SUGCT: variants seen among roughly 807,000 people sequenced by gnomAD.
SUGCT encodes succinyl-CoA:glutarate CoA-transferase.
SUGCT carries 41 observed loss-of-function variants against 55.0 expected under a neutral mutation model. That is an observed-to-expected ratio of 0.74 (90% CI 0.58 to 0.97). SUGCT has a LOEUF of 0.97. SUGCT is among the 50% of genes least tolerant of loss of function. The pLI is 0.00. For synonymous variants in SUGCT, 187 were observed against 200.4 expected (o/e 0.93, Z 0.56); for missense variants, 568 against 547.8 (o/e 1.04, Z -0.37).
intron 13 of SUGCT, among the ~76,000 whole-genome samples, chr7:40,835,882 T>C (rs1042143646): frequency 2.2e-4 from 33 of 150,668 alleles, no homozygotes; most frequent in Non-Finnish European, 3.8e-4. Flanking sequence ...TTCCATTTTC[T>C]TTTTTTTCTT....
At chr7:41,030,823 T>G in the SUGCT span, among the ~76,000 whole-genome samples, 2 of 150,944 alleles carry the variant, frequency 1.3e-5, no homozygotes, top group Admixed American at 1.3e-4. Context: ...GGGTGGTGAG[T>G]GAGGAGAAAG....
chr7:40,619,975 A>G (rs1258170608), intron 12 of SUGCT, among the ~76,000 whole-genome samples: 2 of 152,356 alleles, frequency 1.3e-5, no homozygotes, highest in East Asian at 3.9e-4. Flanking sequence ...CATTACAATG[A>G]GTGAAAATAG....
chr7:40,185,927 A>T (rs1785477015), intron 3 of SUGCT, among the ~76,000 whole-genome samples: 1 of 152,102 alleles, frequency 6.6e-6, no homozygotes, highest in Admixed American at 6.5e-5. Flanking sequence ...GGTTTTTGAG[A>T]TAGTTATTCA....
chr7:40,498,019 C>G (rs571253932), intron 12 of SUGCT, among the ~76,000 whole-genome samples: 61 of 152,140 alleles, frequency 4.0e-4, no homozygotes, highest in African/African-American at 1.4e-3. Context: ...CTAATTTTCT[C>G]TTGTGGTTCA....
rs1460748957 is a variant in SUGCT at position 40,411,670 on chromosome 7, A to G, written c.817-37617A>G. 7.9e-5 allele frequency among the ~76,000 whole-genome samples: 12 copies of G among 152,282 alleles called. No homozygotes were observed. In the East Asian group the frequency reaches 2.1e-3, roughly 27 times the overall value. On this transcript the variant is annotated intron_variant, in intron 9 of 13. Coordinates refer to ENST00000335693, the MANE Select transcript of SUGCT (RefSeq NM_001193313.2). ...GATTTATTAATGGGTACAACTATACAGTTAGATAGAAGAAGTTAAGACCTG... is the reference window on the plus strand; with the variant it reads ...GATTTATTAATGGGTACAACTATACGGTTAGATAGAAGAAGTTAAGACCTG...
chr7:40,151,127 C>A (rs1788546739), intron 1 of SUGCT, among the ~76,000 whole-genome samples: 1 of 152,096 alleles, frequency 6.6e-6, no homozygotes, highest in South Asian at 2.1e-4. Context: ...GTAGTACCAG[C>A]TAATTGGGAG....
chr7:40,295,359 T>C (rs1584603707), intron 8 of SUGCT, among the ~76,000 whole-genome samples: 1 of 152,172 alleles, frequency 6.6e-6, no homozygotes. Context: ...GCGGATCACC[T>C]GAGGTCAGGA....
At chr7:40,599,087 C>T (rs541140215) in intron 12 of SUGCT, among the ~76,000 whole-genome samples, 2 of 152,236 alleles carry the variant, frequency 1.3e-5, no homozygotes, top group South Asian at 4.1e-4. Flanking sequence ...TTGCTGCTGC[C>T]AACTTCCGAT....
intron 7 of SUGCT, among the ~76,000 whole-genome samples, chr7:40,260,609 A>G (rs957692610): frequency 1.3e-5 from 2 of 152,170 alleles, no homozygotes; most frequent in African/African-American, 4.8e-5. Context: ...GTTTGGAAAA[A>G]ATATTCAGCT....
chr7:40,272,000 A>C (rs557195726), intron 7 of SUGCT, among the ~76,000 whole-genome samples: 17 of 151,026 alleles, frequency 1.1e-4, no homozygotes, highest in African/African-American at 4.1e-4. Context: ...ATTGTTGCAA[A>C]TGACAGGAAT....
chr7:40,688,061 G>T (rs1431684525), intron 12 of SUGCT, among the ~76,000 whole-genome samples: 2 of 152,140 alleles, frequency 1.3e-5, no homozygotes, highest in Non-Finnish European at 2.9e-5. Flanking sequence ...AAGATGCTAA[G>T]ACTTAATTTG....
intron 9 of SUGCT, among the ~76,000 whole-genome samples, chr7:40,318,516 A>G (rs2151114982): frequency 6.6e-6 from 1 of 152,324 alleles, no homozygotes. Context: ...AGCTCCCTGC[A>G]ACCTCCACCT....
At chr7:40,926,458 TA>T in the SUGCT span, among the ~76,000 whole-genome samples, 1 of 152,064 alleles carries the variant, frequency 6.6e-6, no homozygotes, top group Admixed American at 6.6e-5. Context: ...AGAGCAAAGA[TA>T]AAAACTTAGA....
intron 6 of SUGCT, among the ~76,000 whole-genome samples, chr7:40,207,492 A>G (rs569746636): frequency 1.7e-4 from 26 of 152,150 alleles, no homozygotes; most frequent in Non-Finnish European, 3.4e-4. Context: ...TTCAGCCCCT[A>G]TGGAAAACAG....
At chr7:40,934,766 C>T in the SUGCT span, among the ~76,000 whole-genome samples, 1 of 152,206 alleles carries the variant, frequency 6.6e-6, no homozygotes, top group African/African-American at 2.4e-5. Context: ...GAGAGAATCT[C>T]CTGATCTGCC....
intron 1 of SUGCT, among the ~76,000 whole-genome samples, chr7:40,180,482 G>A (rs1237315554): frequency 1.3e-5 from 2 of 151,518 alleles, no homozygotes; most frequent in African/African-American, 4.9e-5. Context: ...CCTACTGTAT[G>A]AGCTTCCAGT....
At chr7:40,884,157 T>C in the SUGCT span, among the ~76,000 whole-genome samples, 4 of 152,162 alleles carry the variant, frequency 2.6e-5, no homozygotes, top group African/African-American at 9.7e-5. Flanking sequence ...TCCAATATAT[T>C]TATGCTTGAA....
intron 12 of SUGCT, among the ~76,000 whole-genome samples, chr7:40,561,255 A>G (rs1217325399): frequency 6.6e-6 from 1 of 152,242 alleles, no homozygotes; most frequent in Non-Finnish European, 1.5e-5. Flanking sequence ...GAGTGGCAAG[A>G]CCCATGTATA....
chr7:40,950,083 C>T, the SUGCT span, among the ~76,000 whole-genome samples: 17 of 152,224 alleles, frequency 1.1e-4, no homozygotes, highest in Admixed American at 3.9e-4. Flanking sequence ...TCTTCCTATC[C>T]GTGAGCATGG....
Sources: allele counts gnomAD v4.1 joint callset (sites outside exome capture counted in the v4.1 genomes callset), GRCh38; gene constraint gnomAD v4.1.1; transcripts MANE v1.5; gene names NCBI Gene and HGNC (gene_info 2026-07-23, HGNC 2026-07-21).